RALYL: variants seen among roughly 807,000 people sequenced by gnomAD.
The protein encoded by RALYL is RALY RNA binding protein like, also known as RNA-binding Raly-like protein.
RALYL carries 29 observed loss-of-function variants against 35.1 expected under a neutral mutation model. The observed-to-expected ratio is 0.83, with a 90% CI of 0.61 to 1.13. The LOEUF is 1.13. Ranked by LOEUF, RALYL falls within the 50% of genes most tolerant of loss-of-function variation. RALYL has a pLI of 0.00. For synonymous variants in RALYL, 120 were observed against 127.6 expected (o/e 0.94, Z 0.40); for missense variants, 359 against 360.4 (o/e 1.00, Z 0.03).
chr8:84,624,908 A>C (rs933001037), intron 2 of RALYL, among the ~76,000 whole-genome samples: 5 of 152,162 alleles, frequency 3.3e-5, no homozygotes, highest in African/African-American at 1.2e-4. Flanking sequence ...TTCTGTGCCC[A>C]TAAGTAAACA....
At chr8:84,569,187 C>G (rs1298912840) in intron 2 of RALYL, among the ~76,000 whole-genome samples, 1 of 151,868 alleles carries the variant, frequency 6.6e-6, no homozygotes, top group South Asian at 2.1e-4. Context: ...TTAGGTCTAA[C>G]ATGTAAGTCT....
intron 1 of RALYL, among the ~76,000 whole-genome samples, chr8:84,344,632 A>C (rs150149136): frequency 6.6e-6 from 1 of 152,216 alleles, no homozygotes; most frequent in Non-Finnish European, 1.5e-5. Flanking sequence ...TCACACTAAC[A>C]TATCTATCAT....
intron 4 of RALYL, among the ~76,000 whole-genome samples, chr8:84,819,447 G>A (rs1395491638): frequency 6.6e-6 from 1 of 152,128 alleles, no homozygotes; most frequent in Non-Finnish European, 1.5e-5. Flanking sequence ...CACTATGATG[G>A]CATATACAAT....
At position 84,697,465 on chromosome 8, in the gene RALYL, G is replaced by A. The variant is rs145668008; in HGVS notation, c.257-77114G>A. ...TCTAACCTACTTGATTATTTTCCCC[G>A]AAGAACATTCTCCAAGTCCATAATG... is the stretch of plus-strand genomic sequence containing the variant. On this transcript the variant is annotated intron_variant, in intron 2 of 8. Transcript: ENST00000521268. Among the ~76,000 whole-genome samples, 366 of 151,960 alleles carry A rather than the reference G, an allele frequency of 2.4e-3. 1 individual carries two copies. Among genetic ancestry groups the A allele is most frequent in the Non-Finnish European group, 3.6e-3 (243 of 67,946 alleles).
At chr8:84,889,579 A>T (rs1843476103) in intron 8 of RALYL, among the ~76,000 whole-genome samples, 1 of 152,180 alleles carries the variant, frequency 6.6e-6, no homozygotes, top group African/African-American at 2.4e-5. Context: ...TGTCTTCATC[A>T]AATACTAGAG....
chr8:84,586,778 A>G (rs889828416), intron 2 of RALYL, among the ~76,000 whole-genome samples: 1 of 152,194 alleles, frequency 6.6e-6, no homozygotes, highest in African/African-American at 2.4e-5. Context: ...TTAAAAAAAA[A>G]GTCTCATGAC....
chr8:84,795,365 A>G (rs947702467), intron 3 of RALYL, among the ~76,000 whole-genome samples: 3 of 152,178 alleles, frequency 2.0e-5, no homozygotes, highest in Non-Finnish European at 4.4e-5. Flanking sequence ...AGAGCCTGAG[A>G]AAGTTTACTG....
At position 84,621,182 on chromosome 8, in the gene RALYL, C is replaced by T. The variant is rs371033025; in HGVS notation, c.256+91605C>T. Reference sequence around the variant, plus strand: ...GCCTGGGCAATGGTGGGTGCCCCTCCCCCAGCCTTGCTGCCCCCTTGCAGT... The same window carrying T: ...GCCTGGGCAATGGTGGGTGCCCCTCTCCCAGCCTTGCTGCCCCCTTGCAGT... On this transcript the variant is annotated intron_variant, in intron 2 of 8. Transcript: ENST00000521268. Among the ~76,000 whole-genome samples the T allele has an allele frequency of 1.1e-4, 17 of 152,312 alleles. No individual in the cohort carries two copies. In the East Asian group the frequency reaches 3.3e-3, roughly 29 times the overall value.
intron 1 of RALYL, among the ~76,000 whole-genome samples, chr8:84,306,641 C>T (rs1034951818): frequency 7.2e-5 from 11 of 152,292 alleles, no homozygotes; most frequent in African/African-American, 2.6e-4. Context: ...GCCCCCTTGT[C>T]TCACTTCAGG....
intron 2 of RALYL, among the ~76,000 whole-genome samples, chr8:84,613,393 A>G (rs1818738152): frequency 6.6e-6 from 1 of 151,632 alleles, no homozygotes; most frequent in South Asian, 2.1e-4. Context: ...AGCTCATGTG[A>G]CATTATCCTG....
At chr8:84,830,020 G>A (rs533234856) in intron 4 of RALYL, among the ~76,000 whole-genome samples, 3 of 127,470 alleles carry the variant, frequency 2.4e-5, no homozygotes, top group Admixed American at 7.7e-5. Flanking sequence ...CTATACTGGG[G>A]GGGGGGGGGC....
At chr8:84,190,872 T>C (rs1469748577) in intron 1 of RALYL, among the ~76,000 whole-genome samples, 2 of 94,228 alleles carry the variant, frequency 2.1e-5, no homozygotes, top group Non-Finnish European at 3.7e-5. Context: ...GAACATCTGC[T>C]TTTTTTTTTG....
intron 2 of RALYL, among the ~76,000 whole-genome samples, chr8:84,541,613 T>C (rs550356770): frequency 4.6e-5 from 7 of 152,054 alleles, no homozygotes; most frequent in Non-Finnish European, 1.0e-4. Flanking sequence ...TACTCTGACC[T>C]TCCGCATCGT....
At chr8:84,653,042 A>G (rs1392725936) in intron 2 of RALYL, among the ~76,000 whole-genome samples, 6 of 152,066 alleles carry the variant, frequency 3.9e-5, no homozygotes, top group Admixed American at 3.9e-4. Context: ...CACTGTGTAT[A>G]CCAGTTAGTC....
intron 2 of RALYL, among the ~76,000 whole-genome samples, chr8:84,742,140 G>C (rs1403441688): frequency 1.3e-5 from 2 of 151,846 alleles, no homozygotes; most frequent in Admixed American, 1.3e-4. Flanking sequence ...CACTGGCAAG[G>C]CTCTAAACAA....
chr8:84,826,199 A>G (rs1332125356), intron 4 of RALYL, among the ~76,000 whole-genome samples: 1 of 150,984 alleles, frequency 6.6e-6, no homozygotes, highest in Admixed American at 6.6e-5. Flanking sequence ...GTTGGGTACC[A>G]TGCTCACTAG....
At position 84,829,858 on chromosome 8, in the gene RALYL, A is replaced by G. The variant is rs576623127; in HGVS notation, c.366-20122A>G. ...AAACTTGCTGTTTGTTTCTGTTTAA[A>G]GACTCCATGTCTTTAGTGTATGTTA... is the stretch of plus-strand genomic sequence containing the variant. On this transcript the variant is annotated intron_variant, in intron 4 of 8. Transcript: ENST00000521268. Among the ~76,000 whole-genome samples the G allele has an allele frequency of 3.7e-4, 56 of 152,294 alleles. 1 individual carries two copies. The South Asian group carries it at 9.9e-3, about 27-fold the overall frequency.
intron 2 of RALYL, among the ~76,000 whole-genome samples, chr8:84,546,276 T>G (rs2060352264): frequency 6.6e-6 from 1 of 152,126 alleles, no homozygotes; most frequent in Non-Finnish European, 1.5e-5. Context: ...CATGCCACCA[T>G]GCCCAGCGAA....
chr8:84,530,644 C>A (rs1045734314), intron 2 of RALYL, among the ~76,000 whole-genome samples: 1 of 152,112 alleles, frequency 6.6e-6, no homozygotes, highest in Admixed American at 6.6e-5. Flanking sequence ...TGAAATAACT[C>A]CCTAGTTGGT....
Sources: gnomAD v4.1 joint callset for allele counts (sites outside exome capture counted in the v4.1 genomes callset) on GRCh38, gnomAD v4.1.1 for gene constraint, MANE v1.5 for transcripts, NCBI Gene and HGNC (gene_info 2026-07-23, HGNC 2026-07-21) for gene names.